The following RBFOX1 variants were observed in gnomAD, a reference collection of about 807,000 sequenced individuals.
The protein encoded by RBFOX1 is RNA binding protein fox-1 homolog 1.
In RBFOX1, 8 loss-of-function variants were observed where a neutral mutation model predicts 57.7. The observed-to-expected ratio is 0.14, with a 90% CI of 0.08 to 0.25. RBFOX1 has a LOEUF of 0.25. Ranked by LOEUF, RBFOX1 falls within the 10% of genes least tolerant of loss-of-function variation. RBFOX1 has a pLI of 1.00. For missense variants in RBFOX1, 611 were observed against 548.5 expected, an observed-to-expected ratio of 1.11 and a Z score of -1.14; for synonymous variants, 326 against 222.4, an observed-to-expected ratio of 1.47 and a Z score of -4.15.
chr16:7,205,709 G>T (rs1261580700), intron 4 of RBFOX1, among the ~76,000 whole-genome samples: 3 of 152,198 alleles, frequency 2.0e-5, no homozygotes, highest in Non-Finnish European at 4.4e-5. Context: ...ACCATCTGCA[G>T]TCTTTGGTGA....
chr16:6,455,125 C>T (rs370086969), intron 2 of RBFOX1, among the ~76,000 whole-genome samples: 112 of 151,296 alleles, frequency 7.4e-4, no homozygotes, highest in Middle Eastern at 3.4e-3. Flanking sequence ...AATCTCCTGA[C>T]CTCAGGATCC....
intron 2 of RBFOX1, among the ~76,000 whole-genome samples, chr16:6,355,875 G>A (rs191094583): frequency 2.5e-4 from 38 of 152,262 alleles, no homozygotes; most frequent in African/African-American, 8.7e-4. Context: ...AAAATGATCA[G>A]GAGCAACTTC....
chr16:7,650,749 C>T (rs2064872596), intron 11 of RBFOX1, among the ~76,000 whole-genome samples: 1 of 152,228 alleles, frequency 6.6e-6, no homozygotes, highest in South Asian at 2.1e-4. Flanking sequence ...GCCAGCTGCT[C>T]TGCCAGATTG....
chr16:6,819,788 G>C (rs2090941343), intron 3 of RBFOX1, among the ~76,000 whole-genome samples: 1 of 148,722 alleles, frequency 6.7e-6, no homozygotes, highest in Admixed American at 6.7e-5. Context: ...TCAAAGAAAG[G>C]AACTTGTTGA....
intron 4 of RBFOX1, among the ~76,000 whole-genome samples, chr16:7,355,641 A>G (rs977043637): frequency 3.3e-5 from 5 of 152,192 alleles, no homozygotes; most frequent in Non-Finnish European, 7.3e-5. Context: ...GGTCCACTCT[A>G]TCATTCTATA....
At chr16:7,473,950 A>G (rs945264702) in intron 4 of RBFOX1, among the ~76,000 whole-genome samples, 2 of 152,190 alleles carry the variant, frequency 1.3e-5, no homozygotes, top group African/African-American at 4.8e-5. Flanking sequence ...TTAACTGGCA[A>G]GCAATCGAGA....
At chr16:7,009,411 A>C (rs867012544) in intron 3 of RBFOX1, among the ~76,000 whole-genome samples, 5 of 151,778 alleles carry the variant, frequency 3.3e-5, no homozygotes. Flanking sequence ...CACTGTGACA[A>C]ATCCACAGGC....
chr16:6,358,988 A>C lies in RBFOX1; in HGVS notation c.-64+41931A>C, dbSNP rs1232887484. On this transcript the variant is annotated intron_variant, in intron 2 of 15. Transcript: ENST00000550418. ...CCATTGCTCTGTCGGCGCCTATAGA[A>C]GGTAGCTGGTTTGGTTTGAGTTCCT... Among the ~76,000 whole-genome samples the C allele has an allele frequency of 2.6e-5, 4 of 152,214 alleles. No individual in the cohort carries two copies. The East Asian group carries it at 7.7e-4, about 29-fold the overall frequency.
At chr16:6,864,891 G>A (rs1456553589) in intron 3 of RBFOX1, among the ~76,000 whole-genome samples, 1 of 151,788 alleles carries the variant, frequency 6.6e-6, no homozygotes, top group Non-Finnish European at 1.5e-5. Context: ...AACAAGAGGG[G>A]CGTTTTTGGT....
At chr16:6,938,557 T>C (rs1296443324) in intron 3 of RBFOX1, among the ~76,000 whole-genome samples, 4 of 95,094 alleles carry the variant, frequency 4.2e-5, no homozygotes, top group Non-Finnish European at 7.6e-5. Flanking sequence ...AGACACTGAA[T>C]TACTGTATTT....
Position 6,032,620 on chromosome 16 carries a change from A to T in RBFOX1, c.-127+12628A>T, listed in dbSNP as rs572504392. ...TGGAACAAATGCTTGTCTTAAAAAA[A>T]GTTTATGAAATGCCAGCAGATGTCA... On this transcript the variant is annotated intron_variant, in intron 1 of 15. Transcript: ENST00000550418. 1.1e-3 allele frequency among the ~76,000 whole-genome samples: 172 copies of T among 152,330 alleles called. 1 individual carries two copies. The highest frequency in any genetic ancestry group is 6.8e-3 in the Middle Eastern group (2 of 294).
chr16:7,282,382 C>T (rs2095562806), intron 4 of RBFOX1, among the ~76,000 whole-genome samples: 1 of 152,098 alleles, frequency 6.6e-6, no homozygotes, highest in Non-Finnish European at 1.5e-5. Flanking sequence ...GGAACAGAAA[C>T]TCACCCTGTA....
chr16:5,422,028 A>T (rs2067344554), intron 1 of RBFOX1, among the ~76,000 whole-genome samples: 1 of 152,256 alleles, frequency 6.6e-6, no homozygotes, highest in South Asian at 2.1e-4. Flanking sequence ...TTTCTTTAAA[A>T]GCAATTACGC....
At chr16:6,289,276 A>G (rs1312950714) in intron 1 of RBFOX1, among the ~76,000 whole-genome samples, 1 of 151,992 alleles carries the variant, frequency 6.6e-6, no homozygotes, top group Non-Finnish European at 1.5e-5. Flanking sequence ...AAGGTTTGGA[A>G]GGGTGGAGGT....
rs75702292 is a variant in RBFOX1 at position 5,440,004 on chromosome 16, C to T, written c.220-27212C>T. 2.4e-4 allele frequency among the ~76,000 whole-genome samples: 36 copies of T among 152,200 alleles called. No individual in the cohort carries two copies. In the East Asian group the frequency reaches 7.0e-3, roughly 29 times the overall value. On this transcript the variant is annotated intron_variant, in intron 1 of 2. Coordinates refer to the RBFOX1 transcript ENST00000585867. ...GCCAGAGCTAAAGATATTAGTTTGG[C>T]TGTTAACACCATTTGATAGTATTTA...
intron 4 of RBFOX1, among the ~76,000 whole-genome samples, chr16:5,918,138 G>C (rs1429529363): frequency 2.6e-5 from 4 of 152,038 alleles, no homozygotes; most frequent in African/African-American, 9.7e-5. Context: ...TTATTATTTT[G>C]AGACAGAGTC....
chr16:7,157,209 C>G (rs1051875501), intron 4 of RBFOX1, among the ~76,000 whole-genome samples: 1 of 152,220 alleles, frequency 6.6e-6, no homozygotes, highest in Non-Finnish European at 1.5e-5. Flanking sequence ...GAAAGCCTCT[C>G]CTTGTGTGTG....
At chr16:5,984,668 A>G (rs1250555384) in intron 4 of RBFOX1, among the ~76,000 whole-genome samples, 1 of 152,248 alleles carries the variant, frequency 6.6e-6, no homozygotes, top group Admixed American at 6.5e-5. Context: ...CAATGGGGAC[A>G]CATTCTGAGA....
In RBFOX1 at chr16:6,297,927, G is replaced by A. The variant is rs770481495; in HGVS notation, c.-126-19068G>A. On this transcript the variant is annotated intron_variant, in intron 1 of 15. Transcript: ENST00000550418. ...TATCCAGATGAGAGCCACCTCCACC[G>A]CTCAATAAAACACCTGCATTCACTA... 2.6e-4 allele frequency among the ~76,000 whole-genome samples: 40 copies of A among 152,190 alleles called. 1 individual carries two copies. Among genetic ancestry groups the A allele is most frequent in the Non-Finnish European group, 4.4e-4 (30 of 68,022 alleles).
Sources: allele counts gnomAD v4.1 joint callset (sites outside exome capture counted in the v4.1 genomes callset), GRCh38; gene constraint gnomAD v4.1.1; transcripts MANE v1.5; gene names NCBI Gene and HGNC (gene_info 2026-07-23, HGNC 2026-07-21).